MTCL1: variants seen among roughly 807,000 people sequenced by gnomAD.
The protein encoded by MTCL1 is microtubule cross-linking factor 1.
MTCL1 carries 79 observed loss-of-function variants against 141.4 expected under a neutral mutation model. That is an observed-to-expected ratio of 0.56 (90% CI 0.47 to 0.67). The LOEUF is 0.67. Among genes scored for constraint, MTCL1 ranks in the 30% least tolerant of loss-of-function variants. The pLI is 0.00. For missense variants in MTCL1, 2,177 were observed against 2,113.9 expected, an observed-to-expected ratio of 1.03 and a Z score of -0.59; for synonymous variants, 914 against 875.8, an observed-to-expected ratio of 1.04 and a Z score of -0.77.
intron 9 of MTCL1, among the ~76,000 whole-genome samples, chr18:8,796,923 C>T (rs566586366): frequency 1.3e-5 from 2 of 152,082 alleles, no homozygotes; most frequent in Non-Finnish European, 2.9e-5. Context: ...TGCAGTTTTC[C>T]ACATGGATAT....
chr18:8,739,211 C>G lies in MTCL1; in HGVS notation c.357+18715C>G, dbSNP rs537750937. On this transcript the variant is annotated intron_variant, in intron 4 of 16. Coordinates refer to ENST00000359865, the Ensembl canonical transcript of MTCL1. ...GGTGAGCTTTGATGATACCACTGCA[C>G]TCCAGACTGGGCAACAGAGTGAGAC... Among the ~76,000 whole-genome samples, 158 of 152,242 alleles carry G rather than the reference C, an allele frequency of 1.0e-3. 1 individual carries two copies. The highest frequency in any genetic ancestry group is 3.7e-3 in the African/African-American group (154 of 41,518).
intron 12 of MTCL1, among the ~76,000 whole-genome samples, chr18:8,816,393 A>G (rs1169433805): frequency 1.3e-5 from 2 of 152,122 alleles, no homozygotes; most frequent in African/African-American, 4.8e-5. Flanking sequence ...TTCCTACATA[A>G]TTTCTGCACC....
At chr18:8,781,322 C>G (rs936783052) in intron 5 of MTCL1, among the ~76,000 whole-genome samples, 1 of 152,024 alleles carries the variant, frequency 6.6e-6, no homozygotes, top group Admixed American at 6.6e-5. Context: ...ACGTCATTAC[C>G]CCAGCAGCGA....
chr18:8,745,716 T>G (rs1165235597), intron 4 of MTCL1, among the ~76,000 whole-genome samples: 1 of 152,236 alleles, frequency 6.6e-6, no homozygotes, highest in Non-Finnish European at 1.5e-5. Context: ...TTTTATCTTT[T>G]TATTTTTAAC....
intron 1 of MTCL1, among the ~76,000 whole-genome samples, chr18:8,712,181 TC>T (rs1428272763): frequency 3.3e-5 from 5 of 152,356 alleles, no homozygotes; most frequent in African/African-American, 1.2e-4. Flanking sequence ...CTTTGCTTTC[TC>T]AGTTATTTCA....
intron 12 of MTCL1, among the ~76,000 whole-genome samples, chr18:8,817,082 C>T (rs8095861): frequency 0.6 from 91,589 of 151,874 alleles, 28,295 homozygotes; most frequent in Non-Finnish European, 0.67. Context: ...TGTTCATAGC[C>T]CTCCTCTTTA....
At chr18:8,748,948 A>C (rs956253790) in intron 4 of MTCL1, among the ~76,000 whole-genome samples, 1 of 152,208 alleles carries the variant, frequency 6.6e-6, no homozygotes, top group Non-Finnish European at 1.5e-5. Flanking sequence ...TTTCTTGTGC[A>C]CAAGGACAGA....
intron 10 of MTCL1, among the ~76,000 whole-genome samples, chr18:8,804,531 G>T (rs1045266172): frequency 6.6e-6 from 1 of 152,186 alleles, no homozygotes; most frequent in African/African-American, 2.4e-5. Context: ...TATTCAGATG[G>T]TTGGTAAGAA....
At chr18:8,758,911 C>G (rs1353928461) in intron 4 of MTCL1, among the ~76,000 whole-genome samples, 1 of 152,208 alleles carries the variant, frequency 6.6e-6, no homozygotes, top group Non-Finnish European at 1.5e-5. Context: ...AAAAATTCCT[C>G]CCTTTCCCCC....
In MTCL1 at chr18:8,745,581, A is replaced by G. The variant is rs544240567; in HGVS notation, c.357+25085A>G. Among the ~76,000 whole-genome samples the G allele has an allele frequency of 5.3e-5, 8 of 152,148 alleles. No individual in the cohort carries two copies. The South Asian group carries it at 1.5e-3, about 28-fold the overall frequency. ...GTTCGGGAGCTTCCAGGTTTTTGTT[A>G]TTACAAAACATGTGTCTGTGAACAT... On this transcript the variant is annotated intron_variant, in intron 4 of 16. Transcript: ENST00000359865.
chr18:8,764,441 C>A (rs1256331632), intron 4 of MTCL1, among the ~76,000 whole-genome samples: 1 of 151,998 alleles, frequency 6.6e-6, no homozygotes, highest in East Asian at 1.9e-4. Flanking sequence ...CCTCAGCCTC[C>A]CAAGTAGCTG....
intron 4 of MTCL1, among the ~76,000 whole-genome samples, chr18:8,776,517 C>T (rs2096509451): frequency 6.6e-6 from 1 of 152,118 alleles, no homozygotes; most frequent in Non-Finnish European, 1.5e-5. Context: ...AGGCAGGGTT[C>T]CCAGGCACTG....
intron 11 of MTCL1, among the ~76,000 whole-genome samples, chr18:8,808,375 G>C (rs901152215): frequency 6.6e-6 from 1 of 152,178 alleles, no homozygotes; most frequent in African/African-American, 2.4e-5. Flanking sequence ...TGTAATCTTC[G>C]ATGCAAGCCA....
rs4798692 is a variant in MTCL1, at chr18:8,831,437, T to G, written c.*19-170T>G. The G allele has an allele frequency of 4.2e-6, 6 of 1,428,830 alleles. No homozygotes were observed. The South Asian group carries it at 4.6e-5, about 11-fold the overall frequency. 88.5% of individuals were successfully genotyped at this position (1,428,830 alleles called of 1,614,324 possible). A position where few individuals can be genotyped will look rare whatever the true frequency, so the allele number is the denominator to read the frequency against. ...TCACTGATCATTTGTGTTGAATTCT[T>G]TATTATTTTAAGTTATTCTGCATGA... On this transcript the variant is annotated intron_variant, in intron 16 of 16. Transcript: ENST00000359865.
At chr18:8,750,965 T>C (rs58334963) in intron 4 of MTCL1, among the ~76,000 whole-genome samples, 6,176 of 152,012 alleles carry the variant, frequency 0.041, 426 homozygotes, top group African/African-American at 0.14. Context: ...CTGGGTAGGG[T>C]GGACAGATGC....
intron 3 of MTCL1, 21 bp downstream of exon 2, chr18:8,718,669 T>G: frequency 1.2e-6 from 2 of 1,607,572 alleles, no homozygotes; most frequent in East Asian, 2.2e-5. Context: ...GGGTGGTGCG[T>G]GCACCTCGCA....
chr18:8,729,126 C>G (rs2096236055), intron 4 of MTCL1, among the ~76,000 whole-genome samples: 1 of 151,996 alleles, frequency 6.6e-6, no homozygotes, highest in Non-Finnish European at 1.5e-5. Context: ...TCAAGGCAGC[C>G]TGGACCTCCT....
In MTCL1 at chr18:8,806,879, C is replaced by T. The variant is rs766146676; in HGVS notation, c.2437-14C>T. 9.3e-6 allele frequency: 15 copies of T among 1,610,906 alleles called. No individual in the cohort carries two copies. In the East Asian group the frequency reaches 1.1e-4, roughly 12 times the overall value. ...TTAAAGGAGGTGGTGGAGCCTGACT[C>T]AGTGTTCCCGCAGGTGGTGGAAAAC... On this transcript the variant is annotated splice_polypyrimidine_tract_variant and intron_variant, in intron 10 of 16. Coordinates refer to ENST00000359865, the Ensembl canonical transcript of MTCL1.
intron 7 of MTCL1, among the ~76,000 whole-genome samples, chr18:8,790,017 G>A (rs2075664913): frequency 6.6e-6 from 1 of 152,196 alleles, no homozygotes; most frequent in Non-Finnish European, 1.5e-5. Context: ...AAAGGAAAAT[G>A]AAACTTCTGA....
Sources: gnomAD v4.1 joint callset for allele counts (sites outside exome capture counted in the v4.1 genomes callset) on GRCh38, gnomAD v4.1.1 for gene constraint, MANE v1.5 for transcripts, NCBI Gene and HGNC (gene_info 2026-07-23, HGNC 2026-07-21) for gene names.